ZNF729: variants seen among roughly 807,000 people sequenced by gnomAD.
ZNF729 encodes the protein zinc finger protein 729.
A neutral mutation model predicts 12.2 loss-of-function variants in ZNF729; 15 were observed. The observed-to-expected ratio is 1.23, with a 90% CI of 0.82 to 1.89. The LOEUF is 1.89. Ranked by LOEUF, ZNF729 falls within the 40% of genes most tolerant of loss-of-function variation. ZNF729 has a pLI of 0.00. For missense variants in ZNF729, 1,540 were observed against 1,456.7 expected (o/e 1.06, Z -0.93); for synonymous variants, 492 against 476.3 (o/e 1.03, Z -0.43).
In ZNF729 at chr19:22,316,930, G is replaced by A. The variant is rs1968555465; in HGVS notation, c.3513G>A (p.Gln1171=). Residue 1171 remains glutamine (Q), a synonymous_variant, in exon 4 of 4, where the codon CAG becomes CAA. Transcript: ENST00000601693. ...KCEECGKAFN[Q]SSHLTRHKTI... ...AAGAATGTGGCAAAGCCTTTAACCA[G>A]TCCTCACACCTTACTAGACACAAAA... 6.2e-7 allele frequency: 1 copy of A among 1,611,844 alleles called. No individual in the cohort carries two copies. Among genetic ancestry groups the A allele is most frequent in the African/African-American group, 1.3e-5 (1 of 74,474 alleles).
chr19:22,304,876 C>T (rs1247544844), intron 3 of ZNF729, 93 bp downstream of exon 3: 59 of 1,313,208 alleles, frequency 4.5e-5, no homozygotes, highest in Admixed American at 3.7e-4. Context: ...AGAAGCTGTG[C>T]TCCAAAGGAA....
chr19:22,316,349 C>T lies in ZNF729; in HGVS notation c.2932C>T (p.His978Tyr). ...TGGCAAAGCTTTTAAGCAATCCTCA[C>T]ATCTTACTAGACATAAAGCAATTCA... The part of the protein sequence containing the change: ...ECGKAFKQSS[H>Y]LTRHKAIHTG... The change falls in exon 4 of 4, where the codon CAT becomes TAT. Residue 978 changes from histidine to tyrosine, a missense_variant. By Grantham distance (83) the His-to-Tyr change is moderately conservative (BLOSUM62 2). Coordinates refer to ENST00000601693, the MANE Select transcript of ZNF729 (RefSeq NM_001242680.2). 8 of 1,612,798 alleles carry T rather than the reference C, an allele frequency of 5.0e-6. No homozygotes were observed. Among genetic ancestry groups the T allele is most frequent in the Non-Finnish European group, 6.8e-6 (8 of 1,179,514 alleles).
In ZNF729 at chr19:22,316,190, A is replaced by T; in HGVS notation, c.2773A>T (p.Lys925Ter). Residue 925 changes from lysine (K) to a stop codon, truncating the protein, a stop_gained, in exon 4 of 4, where the codon AAA (lysine) becomes TAA (stop). Transcript: ENST00000601693. LOFTEE classifies it low-confidence loss of function (END_TRUNC). ...TTTTAAGCATTTCTCAGCCCTTAGAAAACATAAGATAATTCATACTGGAAA... is the reference window on the plus strand; with the variant it reads ...TTTTAAGCATTTCTCAGCCCTTAGATAACATAAGATAATTCATACTGGAAA... ...KAFKHFSALRKHKIIHTGKKP... is the reference protein window; with the variant it reads ...KAFKHFSALR 6.2e-7 allele frequency: 1 copy of T among 1,612,494 alleles called. No homozygotes were observed. Among genetic ancestry groups the T allele is most frequent in the Non-Finnish European group, 8.5e-7 (1 of 1,179,370 alleles).
intron 1 of ZNF729, among the ~76,000 whole-genome samples, chr19:22,297,644 G>T (rs1968245678): frequency 6.7e-6 from 1 of 148,390 alleles, no homozygotes; most frequent in Non-Finnish European, 1.5e-5. Context: ...CTTTGGTGTA[G>T]ATATATATAT....
At chr19:22,306,601 T>G (rs1304357749) in intron 3 of ZNF729, among the ~76,000 whole-genome samples, 3 of 151,224 alleles carry the variant, frequency 2.0e-5, no homozygotes, top group Non-Finnish European at 1.5e-5. Flanking sequence ...TTGCATAGTT[T>G]CTATAAAATT....
chr19:22,303,177 A>G (rs1460429522), intron 1 of ZNF729, among the ~76,000 whole-genome samples: 1 of 152,150 alleles, frequency 6.6e-6, no homozygotes, highest in Non-Finnish European at 1.5e-5. Context: ...TCTTTGGAAA[A>G]TGAAGTCTCT....
At chr19:22,292,727 C>T (rs1968171831) in intron 1 of ZNF729, among the ~76,000 whole-genome samples, 1 of 152,152 alleles carries the variant, frequency 6.6e-6, no homozygotes. Context: ...AGGCATGAGC[C>T]ACCACACCTT....
intron 1 of ZNF729, among the ~76,000 whole-genome samples, chr19:22,288,993 A>C (rs765217844): frequency 2.6e-5 from 4 of 152,108 alleles, no homozygotes; most frequent in African/African-American, 9.7e-5. Flanking sequence ...CACTTAAGTG[A>C]GCAGAATGGA....
At chr19:22,296,020 T>G (rs1968226126) in intron 1 of ZNF729, among the ~76,000 whole-genome samples, 1 of 152,306 alleles carries the variant, frequency 6.6e-6, no homozygotes, top group Non-Finnish European at 1.5e-5. Context: ...CTGCTGGATT[T>G]GGTTTGCCAG....
chr19:22,307,427 G>C (rs1968393071), intron 3 of ZNF729, among the ~76,000 whole-genome samples: 1 of 144,922 alleles, frequency 6.9e-6, no homozygotes, highest in East Asian at 2.1e-4. Context: ...AATAATTTCT[G>C]ATCAAGTGTT....
intron 3 of ZNF729, among the ~76,000 whole-genome samples, chr19:22,312,887 A>G (rs887307114): frequency 7.9e-5 from 12 of 151,750 alleles, no homozygotes; most frequent in African/African-American, 1.7e-4. Context: ...CTAATTTTCT[A>G]TTTTTAGTAG....
Position 22,314,149 on chromosome 19 carries a change from C to G in ZNF729, c.732C>G (p.Ala244=), listed in dbSNP as rs768468876. 2.6e-6 allele frequency: 4 copies of G among 1,561,340 alleles called. No individual in the cohort carries two copies. The highest frequency in any genetic ancestry group is 3.5e-6 in the Non-Finnish European group (4 of 1,154,366). The change falls in exon 4 of 4, where the codon GCC becomes GCG. Residue 244 remains alanine (A), a synonymous_variant. Coordinates refer to ENST00000601693, the MANE Select transcript of ZNF729 (RefSeq NM_001242680.2). ...ACAAATATAAGAAATGTGGCAATGC[C>G]TTTAAATTTTCTTCAACGTTCACTA... The part of the protein sequence containing the change: ...KPYKYKKCGN[A]FKFSSTFTKH...
intron 1 of ZNF729, 132 bp downstream of exon 1, chr19:22,286,687 G>A: frequency 8.4e-7 from 1 of 1,191,440 alleles, no homozygotes; most frequent in Non-Finnish European, 1.2e-6. Context: ...TTCCCATCTC[G>A]GCCTCAGTCT....
In ZNF729 at chr19:22,304,117, C is replaced by T. The variant is rs375075238; in HGVS notation, c.157+233C>T. Among the ~76,000 whole-genome samples the T allele has an allele frequency of 3.3e-5, 5 of 149,388 alleles. No homozygotes were observed. The East Asian group carries it at 9.9e-4, about 30-fold the overall frequency. ...GCAGTGGTGCAATCTCAGCTCACTGCAACCTCCACCTCCCAGGTTCATGCA... is the reference window on the plus strand; with the variant it reads ...GCAGTGGTGCAATCTCAGCTCACTGTAACCTCCACCTCCCAGGTTCATGCA... On this transcript the variant is annotated intron_variant, in intron 2 of 3. Transcript: ENST00000601693.
intron 3 of ZNF729, among the ~76,000 whole-genome samples, chr19:22,310,710 T>C (rs1459040182): frequency 1.3e-5 from 2 of 152,186 alleles, no homozygotes. Context: ...GCTGGCTTCA[T>C]AGAATAAATT....
At chr19:22,312,068 G>C (rs1968456615) in intron 3 of ZNF729, among the ~76,000 whole-genome samples, 1 of 151,952 alleles carries the variant, frequency 6.6e-6, no homozygotes, top group African/African-American at 2.4e-5. Flanking sequence ...TGAATAGCAA[G>C]CCATTTTCAT....
At chr19:22,305,019 A>C (rs1968361512) in intron 3 of ZNF729, among the ~76,000 whole-genome samples, 1 of 152,224 alleles carries the variant, frequency 6.6e-6, no homozygotes, top group African/African-American at 2.4e-5. Flanking sequence ...AATGAGAGCC[A>C]AAGTCGTGTT....
At chr19:22,310,597 A>T (rs1968439340) in intron 3 of ZNF729, among the ~76,000 whole-genome samples, 2 of 152,130 alleles carry the variant, frequency 1.3e-5, no homozygotes, top group Admixed American at 6.5e-5. Context: ...GGATTCAGTT[A>T]GCTACTATTT....
At position 22,316,501 on chromosome 19, in the gene ZNF729, T is replaced by G; in HGVS notation, c.3084T>G (p.Ala1028=). The G allele has an allele frequency of 6.2e-7, 1 of 1,613,636 alleles. No individual in the cohort carries two copies. Among genetic ancestry groups the G allele is most frequent in the South Asian group, 1.1e-5 (1 of 91,060 alleles). Residue 1028 remains alanine, a synonymous_variant, in exon 4 of 4, where the codon GCT becomes GCG. Coordinates refer to ENST00000601693, the MANE Select transcript of ZNF729 (RefSeq NM_001242680.2). The part of the protein sequence containing the change: ...KLYKCEECVK[A]FNNFSALMKH... ...ACAAATGTGAAGAATGTGTCAAAGC[T>G]TTTAACAATTTCTCAGCCCTTATGA... is the stretch of plus-strand genomic sequence containing the variant.
Sources: allele counts gnomAD v4.1 joint callset (sites outside exome capture counted in the v4.1 genomes callset), GRCh38; gene constraint gnomAD v4.1.1; transcripts MANE v1.5; gene names NCBI Gene and HGNC (gene_info 2026-07-23, HGNC 2026-07-21).